GLB1L2: variants seen among roughly 807,000 people sequenced by gnomAD.
GLB1L2 encodes the protein beta-galactosidase-1-like protein 2.
In GLB1L2, 68 loss-of-function variants were observed where a neutral mutation model predicts 84.1. The observed-to-expected ratio is 0.81, with a 90% CI of 0.67 to 0.99. The LOEUF is 0.99. GLB1L2 is among the 50% of genes least tolerant of loss of function. The pLI is 0.00. For synonymous variants in GLB1L2, 290 were observed against 318.0 expected (o/e 0.91, Z 0.94); for missense variants, 762 against 805.6 (o/e 0.95, Z 0.66).
chr11:134,354,571 C>T (rs1343369684), intron 5 of GLB1L2, among the ~76,000 whole-genome samples: 1 of 151,730 alleles, frequency 6.6e-6, no homozygotes, highest in Admixed American at 6.6e-5. Context: ...GTAATGAACT[C>T]TCTTAGCTTT....
chr11:134,344,712 C>A (rs1456666634), intron 3 of GLB1L2, among the ~76,000 whole-genome samples: 1 of 152,252 alleles, frequency 6.6e-6, no homozygotes, highest in Non-Finnish European at 1.5e-5. Flanking sequence ...AGCCGCCCGA[C>A]TCTGCATGGG....
Position 134,373,795 on chromosome 11 carries a change from A to G in GLB1L2, c.1582A>G (p.Ser528Gly), listed in dbSNP as rs766720129. Reference sequence around the variant, plus strand: ...AATCTATAGCCTGGATATGAAGAAGAGCTTCTTTCAGAGGTGGGTCCCTGC... The same window carrying G: ...AATCTATAGCCTGGATATGAAGAAGGGCTTCTTTCAGAGGTGGGTCCCTGC... ...FRIYSLDMKKSFFQRFGLDKW... is the reference protein window; with the variant it reads ...FRIYSLDMKKGFFQRFGLDKW... Residue 528 changes from serine to glycine, a missense_variant, in exon 16 of 19, where the codon AGC (serine) becomes GGC (glycine). Physicochemically the swap from Ser to Gly is moderately conservative, Grantham distance 56 (BLOSUM62 0). Coordinates refer to ENST00000535456, the MANE Select transcript of GLB1L2 (RefSeq NM_001370461.1). 2.5e-6 allele frequency: 4 copies of G among 1,607,558 alleles called. No homozygotes were observed. The highest frequency in any genetic ancestry group is 3.3e-5 in the Admixed American group (2 of 59,972).
In GLB1L2 at chr11:134,347,424, G is replaced by A. The variant is rs749361130; in HGVS notation, c.549G>A (p.Val183=). 8.7e-6 allele frequency: 14 copies of A among 1,608,302 alleles called. No homozygotes were observed. Among genetic ancestry groups the A allele is most frequent in the Non-Finnish European group, 1.2e-5 (14 of 1,174,688 alleles). ...TTGACCACCTGATGTCCAGGGTGGT[G>A]CCACTCCAGGTACAAGCAAATGGGG... ...LYFDHLMSRV[V]PLQYKRGGPI... Residue 183 remains valine (V), a synonymous_variant, in exon 5 of 19, where the codon GTG becomes GTA. Transcript: ENST00000535456.
chr11:134,359,011 A>C (rs1432323400), intron 6 of GLB1L2, 49 bp from the exon 7 acceptor site: 2 of 1,357,328 alleles, frequency 1.5e-6, no homozygotes, highest in East Asian at 2.4e-5. Context: ...TCACTGCAGA[A>C]GCTCTAAGGA....
Position 134,336,500 on chromosome 11 carries a change from T to C in GLB1L2, c.86+4353T>C, listed in dbSNP as rs546836807. ...CCTTCTACTGATGGACATCGATTGT[T>C]TGCAATCTTTTAGCTACTGTAAACA... On this transcript the variant is annotated intron_variant, in intron 1 of 18. Coordinates refer to ENST00000535456, the MANE Select transcript of GLB1L2 (RefSeq NM_001370461.1). Among the ~76,000 whole-genome samples, 138 of 152,336 alleles carry C rather than the reference T, an allele frequency of 9.1e-4. 3 individuals carry two copies. The South Asian group carries it at 0.018, about 20-fold the overall frequency.
intron 1 of GLB1L2, among the ~76,000 whole-genome samples, chr11:134,333,437 C>T (rs1943334380): frequency 6.6e-6 from 1 of 152,198 alleles, no homozygotes; most frequent in Non-Finnish European, 1.5e-5. Context: ...GCAGCAGATC[C>T]TCCTGCATAC....
intron 5 of GLB1L2, among the ~76,000 whole-genome samples, chr11:134,349,357 T>C (rs1159579039): frequency 6.6e-6 from 1 of 152,238 alleles, no homozygotes; most frequent in African/African-American, 2.4e-5. Flanking sequence ...AACGTTTGAG[T>C]TGCTTCTGCC....
chr11:134,369,827 A>G lies in GLB1L2; in HGVS notation c.1050A>G (p.Glu350=). The G allele has an allele frequency of 6.2e-7, 1 of 1,613,434 alleles. No individual in the cohort carries two copies. Among genetic ancestry groups the G allele is most frequent in the Non-Finnish European group, 8.5e-7 (1 of 1,179,372 alleles). ...CAGACTATGATGCTGTGCTGACAGAAGCCGGCGATTACACGGCCAAGTACA... is the reference window on the plus strand; with the variant it reads ...CAGACTATGATGCTGTGCTGACAGAGGCCGGCGATTACACGGCCAAGTACA... ...TSYDYDAVLT[E]AGDYTAKYMK... The change falls in exon 11 of 19, where the codon GAA becomes GAG. Residue 350 remains glutamate, a synonymous_variant. Transcript: ENST00000535456.
rs546556356 is a variant in GLB1L2, at chr11:134,375,347, AG to A, written c.*290del. On this transcript the variant is annotated 3_prime_UTR_variant, in exon 19 of 19. Coordinates refer to ENST00000535456, the MANE Select transcript of GLB1L2 (RefSeq NM_001370461.1). ...GTGGGAGCAGCTAATCAGATCGCCC[AG>A]CCTTTGGCCCTCAGAAAAAGTGCTG... The A allele has an allele frequency of 2.9e-3, 1,101 of 375,838 alleles. 2 individuals are homozygous for A. Among genetic ancestry groups the A allele is most frequent in the Non-Finnish European group, 4.6e-3 (959 of 210,202 alleles). 23.3% of individuals were successfully genotyped at this position (375,838 alleles called of 1,614,324 possible). A position where few individuals can be genotyped will look rare whatever the true frequency, so the allele number is the denominator to read the frequency against.
At chr11:134,356,440 G>A in intron 6 of GLB1L2, 47 bp downstream of exon 6, 1 of 1,371,484 alleles carries the variant, frequency 7.3e-7, no homozygotes, top group Non-Finnish European at 1.0e-6. Flanking sequence ...CCTCTGGAGT[G>A]TGCTATAGGC....
rs1191697913 is a variant in GLB1L2 at position 134,339,519 on chromosome 11, G to A, written c.87-3235G>A. ...TAACCTACCAGAAAATTCCCATGAAGAAACAGTTGAATTCACCAGAATTTG... is the reference window on the plus strand; with the variant it reads ...TAACCTACCAGAAAATTCCCATGAAAAAACAGTTGAATTCACCAGAATTTG... On this transcript the variant is annotated intron_variant, in intron 1 of 18. Coordinates refer to ENST00000535456, the MANE Select transcript of GLB1L2 (RefSeq NM_001370461.1). This position sits in a 1 kb window ranked among gnomAD's most constrained non-coding sequence, Gnocchi z 5.7. 6.6e-6 allele frequency among the ~76,000 whole-genome samples: 1 copy of A among 152,026 alleles called. No homozygotes were observed. The highest frequency in any genetic ancestry group is 1.5e-5 in the Non-Finnish European group (1 of 68,018).
intron 6 of GLB1L2, 71 bp from the exon 7 acceptor site, chr11:134,358,989 T>C (rs1228234214): frequency 9.3e-7 from 1 of 1,078,524 alleles, no homozygotes; most frequent in Non-Finnish European, 1.3e-6. Flanking sequence ...GCTACCCAAC[T>C]GCAGCTGTGT....
In GLB1L2 at chr11:134,367,291, C is replaced by T. The variant is rs147686340; in HGVS notation, c.839C>T (p.Thr280Met). The T allele has an allele frequency of 8.1e-5, 130 of 1,614,054 alleles. No individual in the cohort carries two copies. The highest frequency in any genetic ancestry group is 4.0e-4 in the African/African-American group (30 of 75,022). ...TQPKMVMEYW[T>M]GWFDSWGGPH... ...CCCAAGATGGTGATGGAGTACTGGA[C>T]GGGGTGGTTTGACTCGTGGGGAGGC... Residue 280 changes from threonine to methionine, a missense_variant, in exon 9 of 19, where the codon ACG (threonine) becomes ATG (methionine). Thr to Met is a moderately conservative substitution (Grantham distance 81). Transcript: ENST00000535456.
At position 134,342,778 on chromosome 11, in the gene GLB1L2, T is replaced by C. The variant is rs745946116; in HGVS notation, c.111T>C (p.Pro37=). ...LRRLDWSTLV[P]LRLRHRQLGL... ...GGCTGGACTGGAGCACCCTGGTCCCTCTGCGGCTCCGCCATCGACAGCTGG... is the reference window on the plus strand; with the variant it reads ...GGCTGGACTGGAGCACCCTGGTCCCCCTGCGGCTCCGCCATCGACAGCTGG... The change falls in exon 2 of 19, where the codon CCT becomes CCC. Residue 37 remains proline, a synonymous_variant. Transcript: ENST00000535456. The C allele has an allele frequency of 1.2e-6, 2 of 1,613,948 alleles. No homozygotes were observed. The highest frequency in any genetic ancestry group is 1.3e-5 in the African/African-American group (1 of 75,064).
intron 4 of GLB1L2, among the ~76,000 whole-genome samples, chr11:134,346,162 A>G (rs1467997059): frequency 2.0e-5 from 3 of 152,010 alleles, no homozygotes; most frequent in Non-Finnish European, 4.4e-5. Context: ...CCTGGTTTCC[A>G]GCATGACCCG....
intron 1 of GLB1L2, among the ~76,000 whole-genome samples, chr11:134,333,608 C>G (rs1943336674): frequency 6.6e-6 from 1 of 152,148 alleles, no homozygotes; most frequent in South Asian, 2.1e-4. Flanking sequence ...CCAAAAAGTC[C>G]CCAGGAAAAG....
rs201413425 is a variant in GLB1L2, at chr11:134,374,272, T to C, written c.1707+16T>C. ...GAAGCTGGAGGTTGGTAACGCCCTT[T>C]TCCCTGCCAGTTTCTCCCACCTGCC... On this transcript the variant is annotated intron_variant, in intron 17 of 18. Transcript: ENST00000535456. The C allele has an allele frequency of 5.6e-5, 88 of 1,565,070 alleles. No homozygotes were observed. Among genetic ancestry groups the C allele is most frequent in the Non-Finnish European group, 7.5e-5 (85 of 1,135,382 alleles).
chr11:134,371,678 T>G lies in GLB1L2; in HGVS notation c.1429-74T>G, dbSNP rs1015800336. The G allele has an allele frequency of 4.1e-6, 6 of 1,447,380 alleles. No homozygotes were observed. In the Admixed American group the frequency reaches 5.0e-5, roughly 12 times the overall value. 89.7% of individuals were successfully genotyped at this position (1,447,380 alleles called of 1,614,324 possible). On this transcript the variant is annotated intron_variant, in intron 14 of 18. Transcript: ENST00000535456. ...CCATCCCCAGAGCGTAGGGAAGAAC[T>G]GGGGTCCACAAGCAAATTCTGAGGG...
intron 2 of GLB1L2, among the ~76,000 whole-genome samples, chr11:134,343,205 G>A (rs3802927): frequency 0.016 from 2,504 of 152,304 alleles, 68 homozygotes; most frequent in South Asian, 0.064. Context: ...TGCAGATTGA[G>A]GAGGTGATTC....
Sources: allele counts gnomAD v4.1 joint callset (sites outside exome capture counted in the v4.1 genomes callset), GRCh38; gene constraint gnomAD v4.1.1; non-coding constraint Gnocchi (gnomAD v3.1); transcripts MANE v1.5; gene names NCBI Gene and HGNC (gene_info 2026-07-23, HGNC 2026-07-21).